Variants in TTN observed in about 807,000 individuals in gnomAD.
TTN encodes titin.
TTN carries 1,525 observed loss-of-function variants against 3,223.0 expected under a neutral mutation model. The observed-to-expected ratio is 0.47, with a 90% CI of 0.45 to 0.49. The LOEUF (loss-of-function observed/expected upper bound fraction) is 0.49, where lower values mean the gene tolerates loss of function less well. Among genes scored for constraint, TTN ranks in the 20% least tolerant of loss-of-function variants. TTN has a pLI of 0.00. For synonymous variants in TTN, 14,094 were observed against 15,161.0 expected (o/e 0.93, Z 5.17); for missense variants, 40,786 against 43,424.0 (o/e 0.94, Z 5.40).
Position 178,785,489 on chromosome 2 carries a change from A to G in TTN, c.2493+131T>C, listed in dbSNP as rs906055000. 3.7e-6 allele frequency: 5 copies of G among 1,349,706 alleles called. No individual in the cohort carries two copies. In the African/African-American group the frequency reaches 7.2e-5, roughly 19 times the overall value. 83.6% of individuals were successfully genotyped at this position (1,349,706 alleles called of 1,614,324 possible). ...CTTTAGGGTGTCTGGGCCCACTGTG[A>G]ATGCAAACACACGCACACACACATC... is the stretch of plus-strand genomic sequence containing the variant. On this transcript the variant is annotated intron_variant, in intron 15 of 362. Coordinates refer to ENST00000589042, the MANE Select transcript of TTN (RefSeq NM_001267550.2).
At position 178,545,934 on chromosome 2, in the gene TTN, C is replaced by A; in HGVS notation, c.95302G>T (p.Val31768Phe). The change falls in exon 343 of 363, where the codon GTC becomes TTC. Residue 31768 changes from valine to phenylalanine, a missense_variant. Physicochemically the swap from Val to Phe is conservative, Grantham distance 50. Coordinates refer to ENST00000589042, the MANE Select transcript of TTN (RefSeq NM_001267550.2). ...VEGECPTLSY[V>F]VTRLIKNNEY... ...TTGTTCTTGATGAGCCTGGTAACGA[C>A]ATAGGATAGGGTTGGGCATTCGCCT... is the stretch of plus-strand genomic sequence containing the variant. 1.2e-6 allele frequency: 2 copies of A among 1,613,874 alleles called. No homozygotes were observed. The highest frequency in any genetic ancestry group is 1.7e-6 in the Non-Finnish European group (2 of 1,179,802).
chr2:178,586,656 C>T lies in TTN; in HGVS notation c.64245G>A (p.Trp21415Ter). ...YREEEQPADR[W>*]TEYSVVKDLS... ...GATCTTTTACCACTGAGTACTCTGT[C>T]CAGCGATCTGCAGGCTGCTCTTCTT... Residue 21415 changes from tryptophan (W) to a stop codon, truncating the protein, a stop_gained, in exon 308 of 363, where the codon TGG (tryptophan) becomes TGA (stop). Coordinates refer to ENST00000589042, the MANE Select transcript of TTN (RefSeq NM_001267550.2). LOFTEE classifies it high-confidence loss of function. 1 of 1,613,182 alleles carries T rather than the reference C, an allele frequency of 6.2e-7. No homozygotes were observed. Among genetic ancestry groups the T allele is most frequent in the Non-Finnish European group, 8.5e-7 (1 of 1,179,404 alleles).
Position 178,729,347 on chromosome 2 carries a change from T to C in TTN, c.18809A>G (p.Gln6270Arg). Residue 6270 changes from glutamine to arginine, a missense_variant, in exon 64 of 363, where the codon CAG (glutamine) becomes CGG (arginine). Transcript: ENST00000589042. ...GCCGCCTTCATTGGATACAATGCAC[T>C]GGTATTCCCCAGTGTCTGAAGGGTC... is the stretch of plus-strand genomic sequence containing the variant. The part of the protein sequence containing the change: ...KCDPSDTGEY[Q>R]CIVSNEGGSC... 6.2e-7 allele frequency: 1 copy of C among 1,613,548 alleles called. No homozygotes were observed. Among genetic ancestry groups the C allele is most frequent in the Non-Finnish European group, 8.5e-7 (1 of 1,179,600 alleles).
rs769499232 is a variant in TTN at position 178,565,356 on chromosome 2, C to G, written c.80776G>C (p.Val26926Leu). Residue 26926 changes from valine (V) to leucine (L), a missense_variant, in exon 326 of 363, where the codon GTA becomes CTA. Physicochemically the swap from Val to Leu is conservative, Grantham distance 32 (BLOSUM62 1). Transcript: ENST00000589042. ...DGEPLKQTTR[V>L]NVEETATSTV... ...GAGGTAGCTGTTTCTTCAACGTTTA[C>G]TCTTGTTGTCTGTTTAAGAGGCTCA... The G allele has an allele frequency of 8.1e-6, 13 of 1,613,468 alleles. No homozygotes were observed. In the East Asian group the frequency reaches 2.9e-4, roughly 36 times the overall value.
At chr2:178,747,456 A>T in intron 47 of TTN, 4 of 1,613,406 alleles carry the variant, frequency 2.5e-6, no homozygotes, top group Non-Finnish European at 3.4e-6. Flanking sequence ...TCTAACTCAG[A>T]TATTTCTTCA....
intron 44 of TTN, chr2:178,758,677 T>C (rs1280233503): frequency 1.0e-5 from 4 of 388,704 alleles, no homozygotes; most frequent in Non-Finnish European, 1.4e-5. Flanking sequence ...TACCTATTTA[T>C]GCAGCATATT....
chr2:178,744,984 T>C (rs944250154), intron 47 of TTN: 1 of 985,386 alleles, frequency 1.0e-6, no homozygotes, highest in Non-Finnish European at 1.2e-6. Flanking sequence ...GAAAACATTT[T>C]TAAAAGAGAT....
Position 178,721,997 on chromosome 2 carries a change from G to C in TTN, c.22666C>G (p.Arg7556Gly). The change falls in exon 78 of 363, where the codon CGT (arginine) becomes GGT (glycine). Residue 7556 changes from arginine to glycine, a missense_variant. Coordinates refer to ENST00000589042, the MANE Select transcript of TTN (RefSeq NM_001267550.2). ...GTGATTGTATAGTTTCCTCCAGGAC[G>C]GATCTCCTTGTTATCTTTTGACCAA... ...ITWSKDNKEI[R>G]PGGNYTITCV... is the part of the protein sequence containing the mutation. 1 of 1,613,464 alleles carries C rather than the reference G, an allele frequency of 6.2e-7. No individual in the cohort carries two copies. The highest frequency in any genetic ancestry group is 1.1e-5 in the South Asian group (1 of 91,048).
Position 178,667,480 on chromosome 2 carries a change from A to G in TTN, c.35675T>C (p.Val11892Ala). The G allele has an allele frequency of 6.3e-7, 1 of 1,599,936 alleles. No homozygotes were observed. The highest frequency in any genetic ancestry group is 8.5e-7 in the Non-Finnish European group (1 of 1,178,864). The change falls in exon 161 of 363, where the codon GTG (valine) becomes GCG (alanine). Residue 11892 changes from valine (V) to alanine (A), a missense_variant. Transcript: ENST00000589042. ...TGTTTCTCTCTTTTTAGGAATAGTC[A>G]CATATATTTTGTCTTCTGGAACAAC... ...KKVVPEDKIY[V>A]TIPKKRETPA...
At chr2:178,791,669 G>GTGTGTGTA (rs1482478531) in intron 10 of TTN, among the ~76,000 whole-genome samples, 1 of 151,086 alleles carries the variant, frequency 6.6e-6, no homozygotes, top group Non-Finnish European at 1.5e-5. Context: ...GTATATGTGT[G>GTGTGTGTA]TGTGTGTGTG....
In TTN at chr2:178,740,106, T is replaced by C. The variant is rs2082227050; in HGVS notation, c.13127A>G (p.Asp4376Gly). 6.2e-7 allele frequency: 1 copy of C among 1,613,778 alleles called. No homozygotes were observed. The change falls in exon 48 of 363, where the codon GAC becomes GGC. Residue 4376 changes from aspartate to glycine, a missense_variant. By Grantham distance (94) the Asp-to-Gly change is moderately conservative. Coordinates refer to ENST00000589042, the MANE Select transcript of TTN (RefSeq NM_001267550.2). ...AAGCAAGCTTTCCTTAGAAAGAAGG[T>C]CCCTTCCCTGTACCTCCTGCACTTT... ...IKKVQEVQGR[D>G]LLSKESLLSG...
rs752651782 is a variant in TTN, at chr2:178,594,545, T to C, written c.57949A>G (p.Ile19317Val). 1 of 1,613,394 alleles carries C rather than the reference T, an allele frequency of 6.2e-7. No homozygotes were observed. The highest frequency in any genetic ancestry group is 1.7e-5 in the Admixed American group (1 of 59,974). ...PPKYDGGSEI[I>V]NYVLESRLIG... ...AGCCGACTTTCTAGGACATAGTTAA[T>C]AATTTCTGACCCACCATCATACTTA... Residue 19317 changes from isoleucine (I) to valine (V), a missense_variant, in exon 296 of 363, where the codon ATT becomes GTT. Physicochemically the swap from Ile to Val is conservative, Grantham distance 29. Transcript: ENST00000589042.
intron 47 of TTN, chr2:178,745,266 C>G (rs983177411): frequency 8.5e-7 from 1 of 1,172,134 alleles, no homozygotes; most frequent in Non-Finnish European, 1.1e-6. Context: ...AGAGTCCATT[C>G]CACTGAAACA....
Position 178,581,738 on chromosome 2 carries a change from C to A in TTN, c.66530G>T (p.Trp22177Leu). Residue 22177 changes from tryptophan to leucine, a missense_variant, in exon 316 of 363, where the codon TGG becomes TTG. Physicochemically the swap from Trp to Leu is moderately conservative, Grantham distance 61. Transcript: ENST00000589042. ...GCCGCCGTCATAGGCTGGCTTGCCC[C>A]AAGATAGACTCACAGAGCTGCGAGT... ...DTTRSSVSLS[W>L]GKPAYDGGSP... is the part of the protein sequence containing the mutation. 1 of 1,608,834 alleles carries A rather than the reference C, an allele frequency of 6.2e-7. No individual in the cohort carries two copies.
chr2:178,745,584 T>G, intron 47 of TTN: 1 of 1,612,276 alleles, frequency 6.2e-7, no homozygotes, highest in Non-Finnish European at 8.5e-7. Context: ...AACATTACAT[T>G]TTAAGTTAAG....
At chr2:178,652,210 G>C in intron 203 of TTN, 31 bp from the exon 204 acceptor site, 1 of 1,612,532 alleles carries the variant, frequency 6.2e-7, no homozygotes, top group South Asian at 1.1e-5. Context: ...TTCATTGTTA[G>C]ACAAAGTAAA....
chr2:178,580,742 C>A, intron 316 of TTN, 133 bp from the exon 317 acceptor site: 1 of 857,306 alleles, frequency 1.2e-6, no homozygotes, highest in Non-Finnish European at 1.8e-6. Flanking sequence ...TTCCTTAATA[C>A]AATCCTCAAA....
intron 1 of TTN, among the ~76,000 whole-genome samples, chr2:178,805,562 G>T (rs1455663212): frequency 6.6e-6 from 1 of 152,072 alleles, no homozygotes; most frequent in Non-Finnish European, 1.5e-5. Flanking sequence ...GCTTTGGCAA[G>T]CCTTATCAAA....
In TTN at chr2:178,740,110, T is replaced by A; in HGVS notation, c.13123A>T (p.Arg4375Trp). 1 of 1,613,894 alleles carries A rather than the reference T, an allele frequency of 6.2e-7. No individual in the cohort carries two copies. Among genetic ancestry groups the A allele is most frequent in the Non-Finnish European group, 8.5e-7 (1 of 1,179,844 alleles). Residue 4375 changes from arginine to tryptophan, a missense_variant, in exon 48 of 363, where the codon AGG becomes TGG. Arg to Trp is a moderately radical substitution (Grantham distance 101). Transcript: ENST00000589042. ...AIKKVQEVQG[R>W]DLLSKESLLS... ...AAGCTTTCCTTAGAAAGAAGGTCCC[T>A]TCCCTGTACCTCCTGCACTTTCTTT...
Sources: gnomAD v4.1 joint callset for allele counts (sites outside exome capture counted in the v4.1 genomes callset) on GRCh38, gnomAD v4.1.1 for gene constraint, MANE v1.5 for transcripts, NCBI Gene and HGNC (gene_info 2026-07-23, HGNC 2026-07-21) for gene names.